Variants in SRPK2 observed in about 807,000 individuals in gnomAD.
SRPK2 encodes SFRS protein kinase 2.
Under a neutral mutation model 90.8 loss-of-function variants are expected in SRPK2, and 21 were observed. That is an observed-to-expected ratio of 0.23 (90% CI 0.16 to 0.33). The LOEUF (loss-of-function observed/expected upper bound fraction) is 0.33. SRPK2 is among the 10% of genes least tolerant of loss of function. SRPK2 has a pLI of 1.00. For synonymous variants in SRPK2, 288 were observed against 311.1 expected, an observed-to-expected ratio of 0.93 and a Z score of 0.78; for missense variants, 620 against 869.0, an observed-to-expected ratio of 0.71 and a Z score of 3.60.
At chr7:105,336,464 T>C (rs1248996068) in intron 2 of SRPK2, among the ~76,000 whole-genome samples, 2 of 152,198 alleles carry the variant, frequency 1.3e-5, no homozygotes, top group African/African-American at 4.8e-5. Flanking sequence ...AACATGTATA[T>C]GTACCAGTTT....
At chr7:105,228,030 G>C (rs1328704633) in intron 2 of SRPK2, among the ~76,000 whole-genome samples, 1 of 151,970 alleles carries the variant, frequency 6.6e-6, no homozygotes, top group African/African-American at 2.4e-5. Flanking sequence ...TATAAATGGT[G>C]AAAACCAATA....
chr7:105,274,343 T>C (rs1479241350), intron 2 of SRPK2, among the ~76,000 whole-genome samples: 5 of 151,960 alleles, frequency 3.3e-5, no homozygotes, highest in East Asian at 1.9e-4. Context: ...GGGCGGATCA[T>C]TTGAGGTCAG....
At chr7:105,361,340 G>GA (rs1411955357) in intron 2 of SRPK2, among the ~76,000 whole-genome samples, 3 of 152,124 alleles carry the variant, frequency 2.0e-5, no homozygotes, top group Non-Finnish European at 2.9e-5. Context: ...CAAACAAATG[G>GA]AAGAACATTC....
At chr7:105,142,584 A>T in intron 10 of SRPK2, 94 bp from the exon 11 acceptor site, 2 of 1,482,756 alleles carry the variant, frequency 1.3e-6, no homozygotes, top group Non-Finnish European at 1.8e-6. Flanking sequence ...TACATTTTGA[A>T]TATGCTTATG....
chr7:105,143,479 G>T, intron 9 of SRPK2, 149 bp from the exon 10 acceptor site: 1 of 1,001,048 alleles, frequency 1.0e-6, no homozygotes, highest in Non-Finnish European at 1.4e-6. Context: ...CCACTTTGTG[G>T]TAAGGCTTAC....
intron 2 of SRPK2, chr7:105,204,806 G>T: frequency 1.9e-6 from 1 of 513,074 alleles, no homozygotes; most frequent in Admixed American, 2.4e-5. Flanking sequence ...CCCAGCATGC[G>T]CCCTATTTTA....
intron 2 of SRPK2, among the ~76,000 whole-genome samples, chr7:105,364,145 G>A (rs1050113471): frequency 1.3e-5 from 2 of 151,846 alleles, no homozygotes; most frequent in South Asian, 4.2e-4. Context: ...TAACAAACCT[G>A]CATGCTGTGC....
intron 2 of SRPK2, among the ~76,000 whole-genome samples, chr7:105,270,913 T>C (rs943035945): frequency 6.6e-6 from 1 of 152,240 alleles, no homozygotes; most frequent in Non-Finnish European, 1.5e-5. Flanking sequence ...AATAAATATT[T>C]ACTGAATTAG....
chr7:105,395,634 G>A (rs770169001), intron 1 of SRPK2, among the ~76,000 whole-genome samples: 1 of 152,138 alleles, frequency 6.6e-6, no homozygotes, highest in Admixed American at 6.5e-5. Flanking sequence ...GGAGGCTGAG[G>A]TGGGAGAATT....
At chr7:105,171,401 CTTT>C (rs990212624) in intron 3 of SRPK2, among the ~76,000 whole-genome samples, 1 of 152,098 alleles carries the variant, frequency 6.6e-6, no homozygotes, top group African/African-American at 2.4e-5. Flanking sequence ...TATTTTACTA[CTTT>C]TTTACTTTGG....
rs150203706 is a variant in SRPK2 at position 105,312,594 on chromosome 7, C to T, written c.71+76054G>A. 2.3e-4 allele frequency among the ~76,000 whole-genome samples: 35 copies of T among 152,262 alleles called. No individual in the cohort carries two copies. In the East Asian group the frequency reaches 5.6e-3, roughly 24 times the overall value. On this transcript the variant is annotated intron_variant, in intron 2 of 15. Transcript: ENST00000393651. ...CCTCAGATGCAATTTTAATGGAGCG[C>T]CTGCTGGCTGCAGATAAAATCGTAT...
chr7:105,219,727 C>CT (rs1217143432), intron 2 of SRPK2, among the ~76,000 whole-genome samples: 1 of 152,200 alleles, frequency 6.6e-6, no homozygotes, highest in East Asian at 1.9e-4. Flanking sequence ...AGCCTACAAT[C>CT]TAATACTCTG....
At chr7:105,288,999 G>A (rs1339079608) in intron 2 of SRPK2, among the ~76,000 whole-genome samples, 1 of 150,590 alleles carries the variant, frequency 6.6e-6, no homozygotes, top group Non-Finnish European at 1.5e-5. Flanking sequence ...GCTCACGCCT[G>A]TAATCTCAGC....
intron 2 of SRPK2, among the ~76,000 whole-genome samples, chr7:105,388,315 C>T (rs1821884284): frequency 6.6e-6 from 1 of 151,430 alleles, no homozygotes; most frequent in African/African-American, 2.4e-5. Flanking sequence ...GGGCCGCGAC[C>T]CCCGGGCCAG....
intron 2 of SRPK2, among the ~76,000 whole-genome samples, chr7:105,219,073 C>T (rs1374184677): frequency 1.3e-5 from 2 of 152,096 alleles, no homozygotes; most frequent in Admixed American, 6.6e-5. Flanking sequence ...TTCAGCACTA[C>T]AACCAGGGGC....
intron 2 of SRPK2, among the ~76,000 whole-genome samples, chr7:105,381,625 C>G (rs1008566567): frequency 2.0e-5 from 3 of 152,208 alleles, no homozygotes; most frequent in Non-Finnish European, 4.4e-5. Context: ...CACACCCTGG[C>G]ACTAGCTATC....
upstream of SRPK2, among the ~76,000 whole-genome samples, chr7:105,393,016 G>A (rs1822222162): frequency 2.0e-5 from 3 of 150,566 alleles, no homozygotes; most frequent in South Asian, 2.1e-4. Flanking sequence ...AGAGGGGAAG[G>A]GAAGTCTCGC....
intron 2 of SRPK2, among the ~76,000 whole-genome samples, chr7:105,356,403 G>C (rs913489488): frequency 6.6e-6 from 1 of 152,120 alleles, no homozygotes; most frequent in Non-Finnish European, 1.5e-5. Flanking sequence ...GGCCCATTTC[G>C]ACTAGGATAA....
Position 105,305,550 on chromosome 7 carries a change from C to T in SRPK2, c.71+83098G>A, listed in dbSNP as rs73409858. The stretch of plus-strand genomic sequence containing the variant: ...TGCATCTGACAGATAAATCTATGTT[C>T]GCTTCTTCATTCCTGTGTTACTTTA... On this transcript the variant is annotated intron_variant, in intron 2 of 15. Transcript: ENST00000393651. Among the ~76,000 whole-genome samples the T allele has an allele frequency of 3.2e-3, 492 of 152,252 alleles. 3 individuals are homozygous for T. Among genetic ancestry groups the T allele is most frequent in the African/African-American group, 0.011 (473 of 41,512 alleles).
Sources: gnomAD v4.1 joint callset for allele counts (sites outside exome capture counted in the v4.1 genomes callset) on GRCh38, gnomAD v4.1.1 for gene constraint, MANE v1.5 for transcripts, NCBI Gene and HGNC (gene_info 2026-07-23, HGNC 2026-07-21) for gene names.